Variants in CWC27 observed in about 807,000 individuals in gnomAD.
CWC27 encodes the protein CWC27 spliceosome associated cyclophilin.
CWC27 carries 47 observed loss-of-function variants against 63.6 expected under a neutral mutation model. That is an observed-to-expected ratio of 0.74 (90% confidence interval 0.58 to 0.94). CWC27 has a LOEUF of 0.94. Among genes scored for constraint, CWC27 ranks in the 40% least tolerant of loss-of-function variants. The probability of loss-of-function intolerance (pLI) is 0.00; values close to 1 mark genes in which losing one functional copy is unlikely to be tolerated. For synonymous variants in CWC27, 175 were observed against 179.8 expected (o/e 0.97, Z 0.22); for missense variants, 495 against 554.3 (o/e 0.89, Z 1.07).
intron 2 of CWC27, among the ~76,000 whole-genome samples, chr5:64,780,279 C>A (rs1743620853): frequency 6.6e-6 from 1 of 151,984 alleles, no homozygotes; most frequent in Non-Finnish European, 1.5e-5. Context: ...ATGTATATAT[C>A]ACATTTTATT....
chr5:64,977,057 T>C, intron 12 of CWC27, 78 bp from the exon 13 acceptor site: 1 of 843,790 alleles, frequency 1.2e-6, no homozygotes, highest in Non-Finnish European at 1.8e-6. Flanking sequence ...ATATTTCCTT[T>C]TCTACCAAAC....
chr5:64,819,380 G>A (rs1745133523), intron 10 of CWC27, among the ~76,000 whole-genome samples: 1 of 151,990 alleles, frequency 6.6e-6, no homozygotes, highest in Non-Finnish European at 1.5e-5. Context: ...AGTTAAAAAA[G>A]GGTGACTGAT....
intron 11 of CWC27, among the ~76,000 whole-genome samples, chr5:64,935,731 A>G (rs1021462582): frequency 1.3e-5 from 2 of 152,180 alleles, no homozygotes; most frequent in Non-Finnish European, 2.9e-5. Context: ...CTTCCTATCC[A>G]TGAGCATGGA....
At chr5:64,788,477 C>T (rs992660976) in intron 6 of CWC27, among the ~76,000 whole-genome samples, 1 of 151,716 alleles carries the variant, frequency 6.6e-6, no homozygotes, top group Non-Finnish European at 1.5e-5. Context: ...TTGTTCATTG[C>T]TCATATTTTT....
intron 10 of CWC27, among the ~76,000 whole-genome samples, chr5:64,815,145 T>C (rs1490045081): frequency 2.6e-5 from 4 of 152,180 alleles, no homozygotes; most frequent in Non-Finnish European, 4.4e-5. Context: ...TTGCTACACA[T>C]AAACGTATAT....
At chr5:64,974,508 G>T (rs948629417) in intron 12 of CWC27, among the ~76,000 whole-genome samples, 3 of 152,160 alleles carry the variant, frequency 2.0e-5, no homozygotes, top group Non-Finnish European at 4.4e-5. Flanking sequence ...CACGAGAATA[G>T]CATGGTAAAG....
chr5:64,803,031 T>C (rs2112211720), intron 9 of CWC27, among the ~76,000 whole-genome samples: 1 of 152,296 alleles, frequency 6.6e-6, no homozygotes, highest in South Asian at 2.1e-4. Context: ...TGTCACCTTT[T>C]AGTGCTTAAG....
intron 10 of CWC27, among the ~76,000 whole-genome samples, chr5:64,873,578 T>C (rs1322620231): frequency 1.3e-5 from 2 of 152,170 alleles, no homozygotes; most frequent in Non-Finnish European, 2.9e-5. Context: ...TTTCTGGATA[T>C]TAGCTCCTTG....
chr5:64,891,417 C>T, intron 11 of CWC27, among the ~76,000 whole-genome samples: 1 of 152,078 alleles, frequency 6.6e-6, no homozygotes, highest in East Asian at 1.9e-4. Context: ...ATATTTTAAA[C>T]AAGATATCTT....
chr5:64,772,619 T>C (rs6887729), intron 1 of CWC27, among the ~76,000 whole-genome samples: 58,803 of 105,190 alleles, frequency 0.56, 15,818 homozygotes, highest in East Asian at 0.84. Flanking sequence ...AGTGAGACTC[T>C]GTCTCAAAAA....
chr5:64,984,528 T>C (rs1749386867), intron 13 of CWC27, among the ~76,000 whole-genome samples: 1 of 152,208 alleles, frequency 6.6e-6, no homozygotes, highest in Admixed American at 6.5e-5. Context: ...TTCAATCATT[T>C]CACTTGTTAC....
chr5:65,010,288 C>T (rs1228714481), intron 13 of CWC27, among the ~76,000 whole-genome samples: 1 of 152,026 alleles, frequency 6.6e-6, no homozygotes, highest in Non-Finnish European at 1.5e-5. Context: ...TGCAGCCCAC[C>T]TATGATACAG....
intron 11 of CWC27, among the ~76,000 whole-genome samples, chr5:64,941,418 T>C (rs1032221272): frequency 6.6e-6 from 1 of 152,194 alleles, no homozygotes; most frequent in African/African-American, 2.4e-5. Context: ...GAATACTTGC[T>C]TCTTTGCTAC....
At chr5:64,990,802 C>A (rs562150666) in intron 13 of CWC27, among the ~76,000 whole-genome samples, 2 of 152,250 alleles carry the variant, frequency 1.3e-5, no homozygotes, top group African/African-American at 4.8e-5. Context: ...AATTATTAAT[C>A]CTTAAGCTTT....
At chr5:64,884,052 T>G (rs1747008288) in intron 10 of CWC27, 1 of 152,066 alleles carries the variant, frequency 6.6e-6, no homozygotes, top group Non-Finnish European at 1.5e-5. Context: ...CCCAACATGT[T>G]GCTAGCAAGT....
At chr5:64,988,098 G>A (rs549794189) in intron 13 of CWC27, among the ~76,000 whole-genome samples, 156 of 152,230 alleles carry the variant, frequency 1.0e-3, no homozygotes, top group African/African-American at 3.6e-3. Context: ...CCTCCATTCT[G>A]CTACTGAGCC....
At chr5:65,001,477 A>T (rs1749730934) in intron 13 of CWC27, among the ~76,000 whole-genome samples, 1 of 151,982 alleles carries the variant, frequency 6.6e-6, no homozygotes, top group African/African-American at 2.4e-5. Flanking sequence ...CCTTTATTAT[A>T]TTGAGGTATG....
At chr5:64,840,657 A>G (rs1745809715) in intron 10 of CWC27, among the ~76,000 whole-genome samples, 1 of 151,948 alleles carries the variant, frequency 6.6e-6, no homozygotes, top group Admixed American at 6.6e-5. Flanking sequence ...TAGTCAAATC[A>G]TAAAAGAACT....
At chr5:64,910,748 C>G (rs929185998) in intron 11 of CWC27, among the ~76,000 whole-genome samples, 1 of 152,200 alleles carries the variant, frequency 6.6e-6, no homozygotes, top group Non-Finnish European at 1.5e-5. Context: ...GGGCATGGGA[C>G]CAGCCGAGCC....
Sources: gnomAD v4.1 joint callset for allele counts (sites outside exome capture counted in the v4.1 genomes callset) on GRCh38, gnomAD v4.1.1 for gene constraint, MANE v1.5 for transcripts, NCBI Gene and HGNC (gene_info 2026-07-23, HGNC 2026-07-21) for gene names.